AGBL1: variants seen among roughly 807,000 people sequenced by gnomAD.
AGBL1 encodes AGBL carboxypeptidase 1, also known as cytosolic carboxypeptidase 4.
A neutral mutation model predicts 118.9 loss-of-function variants in AGBL1; 130 were observed. That is an observed-to-expected ratio of 1.09 (90% CI 0.95 to 1.26). AGBL1 has a LOEUF of 1.26. Among genes scored for constraint, AGBL1 ranks in the 50% most tolerant of loss-of-function variants. The pLI, the probability that AGBL1 is intolerant of heterozygous loss-of-function variation, is 0.00. For synonymous variants in AGBL1, 555 were observed against 478.9 expected (o/e 1.16, Z -2.08); for missense variants, 1,584 against 1,298.1 (o/e 1.22, Z -3.38).
intron 17 of AGBL1, among the ~76,000 whole-genome samples, chr15:86,302,646 G>A (rs115454472): frequency 2.1e-3 from 321 of 152,028 alleles, no homozygotes; most frequent in African/African-American, 7.3e-3. Context: ...GAATGTGGTG[G>A]CACGCACCTG....
intron 23 of AGBL1, among the ~76,000 whole-genome samples, chr15:86,961,556 G>A (rs2080993532): frequency 6.6e-6 from 1 of 152,006 alleles, no homozygotes; most frequent in Admixed American, 6.6e-5. Flanking sequence ...GGATGAACAG[G>A]AGAACTGCCA....
rs1346654449 is a variant in AGBL1 at position 86,215,216 on chromosome 15, TATGTATGC to T, written c.489-9697_489-9690del. On this transcript the variant is annotated intron_variant, in intron 5 of 22. Transcript: ENST00000614907. ...GGCTCTGTGTGTGTGTGTGAGTGTA[TATGTATGC>T]GTGTGTGTGTGTGTGTGTGTGTGTG... 1.9e-3 allele frequency among the ~76,000 whole-genome samples: 217 copies of T among 115,906 alleles called. 1 individual carries two copies. Among genetic ancestry groups the T allele is most frequent in the Admixed American group, 6.1e-3 (65 of 10,614 alleles). 76.0% of individuals were successfully genotyped at this position (115,906 alleles called of 152,430 possible). A position where few individuals can be genotyped will look rare whatever the true frequency, so the allele number is the denominator to read the frequency against.
intron 22 of AGBL1, among the ~76,000 whole-genome samples, chr15:86,788,008 T>C (rs890438822): frequency 6.6e-6 from 1 of 152,164 alleles, no homozygotes; most frequent in Admixed American, 6.6e-5. Flanking sequence ...TTCTTGAACA[T>C]AAGAAAGTCA....
intron 21 of AGBL1, among the ~76,000 whole-genome samples, chr15:86,611,457 C>T (rs2084652400): frequency 6.6e-6 from 1 of 152,112 alleles, no homozygotes; most frequent in Non-Finnish European, 1.5e-5. Context: ...TTTTTGTCTG[C>T]AGAGTCATTC....
intron 20 of AGBL1, among the ~76,000 whole-genome samples, chr15:86,550,650 TTAA>T (rs2083651222): frequency 6.6e-6 from 1 of 152,064 alleles, no homozygotes; most frequent in Non-Finnish European, 1.5e-5. Flanking sequence ...CATTTAAAAT[TTAA>T]TAATAATAGC....
At chr15:86,820,569 A>G (rs1041325081) in intron 22 of AGBL1, among the ~76,000 whole-genome samples, 1 of 151,970 alleles carries the variant, frequency 6.6e-6, no homozygotes, top group Non-Finnish European at 1.5e-5. Context: ...GCCAAGAAAC[A>G]TATGAAAAAA....
intron 1 of AGBL1, among the ~76,000 whole-genome samples, chr15:86,112,822 G>T (rs372925228): frequency 6.6e-6 from 1 of 151,954 alleles, no homozygotes; most frequent in Non-Finnish European, 1.5e-5. Flanking sequence ...ATTTTAATTT[G>T]CATTTCTTTG....
At chr15:86,963,708 C>G (rs1182865611) in intron 23 of AGBL1, among the ~76,000 whole-genome samples, 2 of 151,934 alleles carry the variant, frequency 1.3e-5, no homozygotes, top group South Asian at 2.1e-4. Context: ...GAGACTCCCT[C>G]TCTTCCAAAG....
intron 22 of AGBL1, among the ~76,000 whole-genome samples, chr15:86,703,779 C>T (rs1476261948): frequency 6.6e-6 from 1 of 152,136 alleles, no homozygotes; most frequent in African/African-American, 2.4e-5. Flanking sequence ...GCTTCCCCTA[C>T]ACCTTCCACC....
chr15:86,103,807 T>C lies in AGBL1; in HGVS notation c.51+23784T>C, dbSNP rs941703317. On this transcript the variant is annotated intron_variant, in intron 1 of 22. Transcript: ENST00000614907. ...CATATGCTGGCGTTGGTGTTAGCTA[T>C]TCTAGGCAATTTGGTTCTTGGGTCG... is the stretch of plus-strand genomic sequence containing the variant. 4.0e-4 allele frequency among the ~76,000 whole-genome samples: 61 copies of C among 152,326 alleles called. 1 individual carries two copies. The highest frequency in any genetic ancestry group is 1.4e-3 in the African/African-American group (58 of 41,566).
chr15:86,785,129 TC>T (rs2078388461), intron 22 of AGBL1, among the ~76,000 whole-genome samples: 2 of 151,928 alleles, frequency 1.3e-5, no homozygotes, highest in Admixed American at 1.3e-4. Context: ...GCCCTTTCCA[TC>T]CCTGAAGCTA....
At position 86,911,619 on chromosome 15, in the gene AGBL1, A is replaced by G. The variant is rs997030433; in HGVS notation, c.*4325A>G. The stretch of plus-strand genomic sequence containing the variant: ...TGTGAGTGTCTACACACATATGCAC[A>G]TGCACAGTGCAATAGGGGCATGGAA... On this transcript the variant is annotated 3_prime_UTR_variant, in exon 23 of 23. Transcript: ENST00000614907. 1.3e-5 allele frequency: 2 copies of G among 152,084 alleles called. No homozygotes were observed. The highest frequency in any genetic ancestry group is 2.4e-5 in the African/African-American group (1 of 41,408). The allele number at this position is 152,084 out of a possible 1,614,324, so 9.4% of individuals were successfully genotyped here.
intron 18 of AGBL1, among the ~76,000 whole-genome samples, chr15:86,430,171 A>G (rs1390500449): frequency 2.6e-5 from 4 of 152,168 alleles, no homozygotes; most frequent in African/African-American, 9.7e-5. Flanking sequence ...AATAGGATTT[A>G]CTAAGCACCT....
At position 86,914,314 on chromosome 15, in the gene AGBL1, C is replaced by T. The variant is rs180903159; in HGVS notation, c.*7020C>T. ...GAGGAAAAATCTGCCTGTGTTTCTG[C>T]TCTGCTCAGACAATCACATAAGTGA... On this transcript the variant is annotated 3_prime_UTR_variant, in exon 23 of 23. Transcript: ENST00000614907. 6.6e-6 allele frequency: 1 copy of T among 152,324 alleles called. No homozygotes were observed. The highest frequency in any genetic ancestry group is 6.5e-5 in the Admixed American group (1 of 15,298). 9.4% of individuals were successfully genotyped at this position (152,324 alleles called of 1,614,324 possible). A position where few individuals can be genotyped will look rare whatever the true frequency, so the allele number is the denominator to read the frequency against.
chr15:86,500,553 G>A (rs2082906340), intron 18 of AGBL1, among the ~76,000 whole-genome samples: 1 of 151,596 alleles, frequency 6.6e-6, no homozygotes, highest in South Asian at 2.1e-4. Flanking sequence ...TTTCAAGTGG[G>A]TAAAGTGGTT....
intron 22 of AGBL1, among the ~76,000 whole-genome samples, chr15:86,830,370 T>TA (rs1336098556): frequency 6.6e-6 from 1 of 152,030 alleles, no homozygotes; most frequent in Admixed American, 6.6e-5. Flanking sequence ...CTTATTTTTT[T>TA]TAAAAAAAAC....
intron 23 of AGBL1, among the ~76,000 whole-genome samples, chr15:86,925,730 T>A (rs559575982): frequency 1.4e-4 from 21 of 146,928 alleles, no homozygotes; most frequent in African/African-American, 2.5e-4. Flanking sequence ...CTTTTTTTTT[T>A]TTTTTATTTT....
chr15:86,808,580 C>T (rs1206414083), intron 22 of AGBL1, among the ~76,000 whole-genome samples: 1 of 149,458 alleles, frequency 6.7e-6, no homozygotes, highest in Non-Finnish European at 1.5e-5. Flanking sequence ...CCTTTCCTTC[C>T]TTCCTCCCCT....
intron 18 of AGBL1, among the ~76,000 whole-genome samples, chr15:86,488,081 G>A (rs2082734477): frequency 6.6e-6 from 1 of 151,866 alleles, no homozygotes; most frequent in African/African-American, 2.4e-5. Flanking sequence ...AGTCATATTG[G>A]CCCACAGTTT....
Sources: allele counts gnomAD v4.1 joint callset (sites outside exome capture counted in the v4.1 genomes callset), GRCh38; gene constraint gnomAD v4.1.1; transcripts MANE v1.5; gene names NCBI Gene and HGNC (gene_info 2026-07-23, HGNC 2026-07-21).